The following NUDCD1 variants were observed in gnomAD, a reference collection of about 807,000 sequenced individuals.
NUDCD1 encodes the protein NudC domain containing 1.
NUDCD1 carries 60 observed loss-of-function variants against 67.8 expected under a neutral mutation model. The observed-to-expected ratio is 0.88, with a 90% CI of 0.72 to 1.10. The LOEUF is 1.10. NUDCD1 is among the 50% of genes least tolerant of loss of function. The probability of loss-of-function intolerance (pLI) is 0.00; values close to 1 mark genes in which losing one functional copy is unlikely to be tolerated. For missense variants in NUDCD1, 643 were observed against 695.0 expected, an observed-to-expected ratio of 0.93 and a Z score of 0.84; for synonymous variants, 244 against 230.8, an observed-to-expected ratio of 1.06 and a Z score of -0.52.
At chr8:109,324,960 C>A (rs1005368600) in intron 1 of NUDCD1, among the ~76,000 whole-genome samples, 2 of 152,018 alleles carry the variant, frequency 1.3e-5, no homozygotes, top group Admixed American at 6.6e-5. Context: ...TGTGACAGTG[C>A]GTGCCTGTAA....
chr8:109,305,681 A>G (rs1459092352), intron 2 of NUDCD1, among the ~76,000 whole-genome samples: 5 of 152,126 alleles, frequency 3.3e-5, no homozygotes, highest in Admixed American at 1.3e-4. Flanking sequence ...GTCCTCCAGC[A>G]GGACAGACAG....
At chr8:109,254,896 GAATA>G (rs1015789272) in intron 8 of NUDCD1, among the ~76,000 whole-genome samples, 1 of 152,078 alleles carries the variant, frequency 6.6e-6, no homozygotes, top group African/African-American at 2.4e-5. Context: ...TCTGTACACA[GAATA>G]AATTGTAAAA....
intron 7 of NUDCD1, among the ~76,000 whole-genome samples, chr8:109,272,372 C>CAT (rs1814179577): frequency 6.9e-6 from 1 of 144,644 alleles, no homozygotes; most frequent in African/African-American, 2.9e-5. Context: ...AAAACACACA[C>CAT]ACACACACAC....
chr8:109,322,225 A>G, intron 2 of NUDCD1, 84 bp downstream of exon 2: 1 of 672,832 alleles, frequency 1.5e-6, no homozygotes, highest in Non-Finnish European at 2.5e-6. Context: ...TTCTCTGGAT[A>G]TTAGATTCAA....
chr8:109,243,382 T>A, intron 9 of NUDCD1, 81 bp from the exon 10 acceptor site: 1 of 1,163,390 alleles, frequency 8.6e-7, no homozygotes. Flanking sequence ...ATTTAATATT[T>A]TGCAATGTTT....
chr8:109,326,011 T>C (rs1448306701), intron 1 of NUDCD1, among the ~76,000 whole-genome samples: 2 of 152,250 alleles, frequency 1.3e-5, no homozygotes, highest in East Asian at 3.8e-4. Flanking sequence ...ATATGTATTC[T>C]TGGTTTTCTA....
At chr8:109,250,150 T>C (rs1028362566) in intron 8 of NUDCD1, among the ~76,000 whole-genome samples, 9 of 152,178 alleles carry the variant, frequency 5.9e-5, no homozygotes, top group Non-Finnish European at 1.0e-4. Context: ...CTGGCAAGAA[T>C]TGTTGAATTC....
intron 4 of NUDCD1, among the ~76,000 whole-genome samples, chr8:109,291,899 T>C (rs1050640000): frequency 6.6e-6 from 1 of 151,958 alleles, no homozygotes; most frequent in Non-Finnish European, 1.5e-5. Flanking sequence ...GGAGGAGGAA[T>C]ATGCATGACA....
chr8:109,281,525 T>C (rs1022756010), intron 5 of NUDCD1, among the ~76,000 whole-genome samples: 9 of 152,108 alleles, frequency 5.9e-5, no homozygotes, highest in Non-Finnish European at 1.2e-4. Flanking sequence ...GAATCCCTAG[T>C]TCAAAAGAAC....
intron 6 of NUDCD1, among the ~76,000 whole-genome samples, chr8:109,276,010 T>A (rs560800289): frequency 6.6e-6 from 1 of 152,294 alleles, no homozygotes; most frequent in East Asian, 1.9e-4. Context: ...AACGCAAATC[T>A]TAATTTTAAA....
At chr8:109,324,653 GA>G (rs1815627552) in intron 1 of NUDCD1, among the ~76,000 whole-genome samples, 2 of 152,132 alleles carry the variant, frequency 1.3e-5, no homozygotes, top group African/African-American at 4.8e-5. Flanking sequence ...AGACATGGGG[GA>G]AACCTAAGTG....
At chr8:109,281,721 C>T (rs935144376) in intron 5 of NUDCD1, among the ~76,000 whole-genome samples, 1 of 152,200 alleles carries the variant, frequency 6.6e-6, no homozygotes, top group Non-Finnish European at 1.5e-5. Context: ...CCTATCCACT[C>T]CATTTCTAAG....
chr8:109,322,323 A>C lies in NUDCD1; in HGVS notation c.259T>G (p.Leu87Val). Residue 87 changes from leucine (L) to valine (V), a missense_variant, in exon 2 of 10, where the codon TTA (leucine) becomes GTA (valine). Coordinates refer to ENST00000239690, the MANE Select transcript of NUDCD1 (RefSeq NM_032869.4). ...GTTTCTCTTACCAGCATTACTGTTAAATTCATAATTCTTCCAAGGGTATCA... is the reference window on the plus strand; with the variant it reads ...GTTTCTCTTACCAGCATTACTGTTACATTCATAATTCTTCCAAGGGTATCA... ...YIDTLGRIMN[L>V]TVMLDTALGK... 6.5e-7 allele frequency: 1 copy of C among 1,532,716 alleles called. No homozygotes were observed. 94.9% of individuals were successfully genotyped at this position (1,532,716 alleles called of 1,614,324 possible). A position where few individuals can be genotyped will look rare whatever the true frequency, so the allele number is the denominator to read the frequency against.
intron 6 of NUDCD1, among the ~76,000 whole-genome samples, chr8:109,275,729 CA>C (rs1814270500): frequency 6.6e-6 from 1 of 152,096 alleles, no homozygotes; most frequent in Non-Finnish European, 1.5e-5. Context: ...AATGGTACAT[CA>C]AATGGCCTGA....
At chr8:109,292,216 C>G (rs2054256) in intron 4 of NUDCD1, among the ~76,000 whole-genome samples, 3,150 of 152,120 alleles carry the variant, frequency 0.021, 111 homozygotes, top group African/African-American at 0.072. Flanking sequence ...ACTGTGTTGG[C>G]ATACTCGGAT....
intron 8 of NUDCD1, among the ~76,000 whole-genome samples, chr8:109,262,423 T>C (rs1245639306): frequency 2.0e-5 from 3 of 152,208 alleles, no homozygotes; most frequent in South Asian, 2.1e-4. Flanking sequence ...CCAGTTCCTA[T>C]TGTTGGTGCC....
In NUDCD1 at chr8:109,275,416, A is replaced by G. The variant is rs774149459; in HGVS notation, c.1109T>C (p.Ile370Thr). 1.2e-6 allele frequency: 2 copies of G among 1,613,684 alleles called. No individual in the cohort carries two copies. The highest frequency in any genetic ancestry group is 1.3e-5 in the African/African-American group (1 of 74,916). The part of the protein sequence containing the change: ...LVIGDKQGEL[I>T]RDSAQCAAIA... ...TGCAGCACACTGGGCTGAATCTCTT[A>G]TAAGTTCCCCTTGTTTATCTCCAAT... Residue 370 changes from isoleucine to threonine, a missense_variant, in exon 7 of 10, where the codon ATA becomes ACA. Physicochemically the swap from Ile to Thr is moderately conservative, Grantham distance 89 (BLOSUM62 -1). Coordinates refer to ENST00000239690, the MANE Select transcript of NUDCD1 (RefSeq NM_032869.4).
rs1277506041 is a variant in NUDCD1 at position 109,296,561 on chromosome 8, G to A, written c.282C>T (p.Ala94=). ...GAAACACCTCTCGTGGTTTTCCTAA[G>A]GCAGTGTCCTAAAAAGACCAAACAT... is the stretch of plus-strand genomic sequence containing the variant. ...IMNLTVMLDT[A]LGKPREVFRL... The change falls in exon 3 of 10, where the codon GCC becomes GCT. Residue 94 remains alanine, a synonymous_variant. Transcript: ENST00000239690. 5 of 1,602,474 alleles carry A rather than the reference G, an allele frequency of 3.1e-6. No individual in the cohort carries two copies. The highest frequency in any genetic ancestry group is 2.7e-5 in the African/African-American group (2 of 74,546).
At chr8:109,266,392 ATTTTTTT>A (rs71305931) in intron 8 of NUDCD1, among the ~76,000 whole-genome samples, 4 of 87,508 alleles carry the variant, frequency 4.6e-5, no homozygotes, top group Admixed American at 1.5e-4. Context: ...TGCCCGGCTA[ATTTTTTT>A]TTTTTTTTTT....
Sources: gnomAD v4.1 joint callset for allele counts (sites outside exome capture counted in the v4.1 genomes callset) on GRCh38, gnomAD v4.1.1 for gene constraint, MANE v1.5 for transcripts, NCBI Gene and HGNC (gene_info 2026-07-23, HGNC 2026-07-21) for gene names.